The following MAST4 variants were observed in gnomAD, a reference collection of about 807,000 sequenced individuals.
The protein encoded by MAST4 is microtubule associated serine/threonine kinase family member 4.
MAST4 carries 89 observed loss-of-function variants against 162.7 expected under a neutral mutation model. That is an observed-to-expected ratio of 0.55 (90% CI 0.46 to 0.65). The LOEUF (loss-of-function observed/expected upper bound fraction) is 0.65. MAST4 is among the 30% of genes least tolerant of loss of function. The pLI is 0.00. For missense variants in MAST4, 3,153 were observed against 3,374.0 expected (o/e 0.93, Z 1.62); for synonymous variants, 1,479 against 1,361.1 (o/e 1.09, Z -1.91).
chr5:66,953,758 C>G (rs1016192404), intron 4 of MAST4, among the ~76,000 whole-genome samples: 1 of 152,138 alleles, frequency 6.6e-6, no homozygotes, highest in African/African-American at 2.4e-5. Flanking sequence ...ACCCTTGTCT[C>G]TAGAGCAAGA....
At chr5:66,842,206 C>CA (rs1460107250) in intron 3 of MAST4, among the ~76,000 whole-genome samples, 3 of 152,074 alleles carry the variant, frequency 2.0e-5, no homozygotes, top group African/African-American at 7.2e-5. Context: ...TGCAGAATTA[C>CA]AAAATGCAAA....
chr5:66,956,272 A>G (rs912317127), intron 4 of MAST4, among the ~76,000 whole-genome samples: 1 of 152,118 alleles, frequency 6.6e-6, no homozygotes, highest in Non-Finnish European at 1.5e-5. Flanking sequence ...TCTAACCTGT[A>G]ACTTGATATT....
chr5:66,834,492 A>G (rs1224187943), intron 3 of MAST4, among the ~76,000 whole-genome samples: 1 of 152,198 alleles, frequency 6.6e-6, no homozygotes, highest in Non-Finnish European at 1.5e-5. Context: ...TTGTCCATGC[A>G]GGCCAGACTC....
intron 3 of MAST4, among the ~76,000 whole-genome samples, chr5:66,841,949 C>T (rs1758459837): frequency 6.6e-6 from 1 of 152,032 alleles, no homozygotes; most frequent in Non-Finnish European, 1.5e-5. Context: ...TGACTTAATT[C>T]TTGGTTTCTA....
At chr5:66,771,577 G>A (rs1344617582) in intron 2 of MAST4, among the ~76,000 whole-genome samples, 3 of 152,126 alleles carry the variant, frequency 2.0e-5, no homozygotes, top group East Asian at 1.9e-4. Context: ...AACAGGATCC[G>A]TGAACAGAAG....
chr5:66,798,430 C>T (rs1448617611), intron 3 of MAST4, among the ~76,000 whole-genome samples: 1 of 152,206 alleles, frequency 6.6e-6, no homozygotes, highest in Non-Finnish European at 1.5e-5. Flanking sequence ...GACTGGCTGT[C>T]ATTCCAAGCC....
At chr5:66,678,127 A>T (rs531496228) in intron 1 of MAST4, among the ~76,000 whole-genome samples, 20 of 152,110 alleles carry the variant, frequency 1.3e-4, no homozygotes, top group Admixed American at 1.3e-3. Context: ...AACCTGGAGG[A>T]CATTATGTTA....
At chr5:66,771,516 C>T (rs1754358622) in intron 2 of MAST4, among the ~76,000 whole-genome samples, 1 of 152,084 alleles carries the variant, frequency 6.6e-6, no homozygotes, top group South Asian at 2.1e-4. Context: ...TCGGGAGGCT[C>T]TGTATGCCAA....
At chr5:66,947,701 C>T (rs980849737) in intron 4 of MAST4, among the ~76,000 whole-genome samples, 4 of 152,162 alleles carry the variant, frequency 2.6e-5, no homozygotes, top group Admixed American at 2.0e-4. Flanking sequence ...CAGATTTTTC[C>T]TAAAGCTTGC....
intron 1 of MAST4, among the ~76,000 whole-genome samples, chr5:66,735,832 C>T (rs539611786): frequency 1.3e-5 from 2 of 152,216 alleles, no homozygotes; most frequent in African/African-American, 4.8e-5. Flanking sequence ...AGTAATTACT[C>T]GAGAAATGCT....
At chr5:67,108,407 G>C (rs540602366) in intron 10 of MAST4, among the ~76,000 whole-genome samples, 193 of 152,234 alleles carry the variant, frequency 1.3e-3, no homozygotes, top group Non-Finnish European at 2.2e-3. Context: ...AAATCATAAA[G>C]AAGATGTAAC....
intron 3 of MAST4, among the ~76,000 whole-genome samples, chr5:66,875,175 G>A (rs1011785640): frequency 6.6e-6 from 1 of 152,108 alleles, no homozygotes; most frequent in South Asian, 2.1e-4. Context: ...CTTTTTCAGA[G>A]GGTGCAATAC....
At chr5:66,598,993 A>G (rs1473753429) in intron 1 of MAST4, among the ~76,000 whole-genome samples, 1 of 152,252 alleles carries the variant, frequency 6.6e-6, no homozygotes, top group African/African-American at 2.4e-5. Context: ...ATGGGTCACT[A>G]TTTGTGAAAT....
chr5:66,756,080 G>T (rs1158055522), intron 1 of MAST4, among the ~76,000 whole-genome samples: 1 of 152,144 alleles, frequency 6.6e-6, no homozygotes, highest in East Asian at 1.9e-4. Context: ...CCCTTAAGAT[G>T]CTAACATGTT....
intron 4 of MAST4, among the ~76,000 whole-genome samples, chr5:67,042,639 C>G (rs1756906098): frequency 6.6e-6 from 1 of 151,942 alleles, no homozygotes; most frequent in Non-Finnish European, 1.5e-5. Flanking sequence ...ATAGGATAAA[C>G]ACGCAACTAA....
chr5:66,681,981 G>T (rs894638004), intron 1 of MAST4, among the ~76,000 whole-genome samples: 1 of 152,202 alleles, frequency 6.6e-6, no homozygotes, highest in African/African-American at 2.4e-5. Flanking sequence ...CTCCAGAGAA[G>T]GCAGGAGGAC....
intron 2 of MAST4, among the ~76,000 whole-genome samples, chr5:66,775,656 A>AAATGGTTCTTCAAAAGAAC (rs137882962): frequency 6.5e-4 from 99 of 152,068 alleles, no homozygotes; most frequent in African/African-American, 2.0e-3. Flanking sequence ...TGGTTCTTAA[A>AAATGGTTCTTCAAAAGAAC]AATGGTTCTT....
intron 3 of MAST4, among the ~76,000 whole-genome samples, chr5:66,845,092 TATA>T (rs1758727677): frequency 3.0e-5 from 2 of 66,132 alleles, no homozygotes; most frequent in East Asian, 6.9e-4. Flanking sequence ...TCTTTATATA[TATA>T]TATATATATA....
chr5:67,033,315 C>CTCTCTGTGTGTG (rs1554084489), intron 4 of MAST4, among the ~76,000 whole-genome samples: 38 of 125,990 alleles, frequency 3.0e-4, no homozygotes, highest in African/African-American at 1.1e-3. Flanking sequence ...TTTCATTTCT[C>CTCTCTGTGTGTG]TGTGTGTGTG....
Sources: allele counts gnomAD v4.1 joint callset (sites outside exome capture counted in the v4.1 genomes callset), GRCh38; gene constraint gnomAD v4.1.1; transcripts MANE v1.5; gene names NCBI Gene and HGNC (gene_info 2026-07-23, HGNC 2026-07-21).